CLMP: variants seen among roughly 807,000 people sequenced by gnomAD.
CLMP encodes CXADR-like membrane protein.
CLMP carries 27 observed loss-of-function variants against 45.2 expected under a neutral mutation model. The observed-to-expected ratio is 0.60, with a 90% CI of 0.44 to 0.82. The LOEUF (loss-of-function observed/expected upper bound fraction) is 0.82. CLMP is among the 40% of genes least tolerant of loss of function. The pLI, the probability that CLMP is intolerant of heterozygous loss-of-function variation, is 0.00. For missense variants in CLMP, 403 were observed against 448.4 expected, an observed-to-expected ratio of 0.90 and a Z score of 0.91; for synonymous variants, 167 against 171.4, an observed-to-expected ratio of 0.97 and a Z score of 0.20.
rs1865653531 is a variant in CLMP at position 123,069,965 on chromosome 11, AG to A, written c.*3508del. 6.6e-6 allele frequency: 1 copy of A among 152,250 alleles called. No homozygotes were observed. The highest frequency in any genetic ancestry group is 1.5e-5 in the Non-Finnish European group (1 of 68,046). 9.4% of individuals were successfully genotyped at this position (152,250 alleles called of 1,614,324 possible). A position where few individuals can be genotyped will look rare whatever the true frequency, so the allele number is the denominator to read the frequency against. On this transcript the variant is annotated 3_prime_UTR_variant, in exon 7 of 7. Transcript: ENST00000448775. ...ATGCTGAAACACAGTCCCAATTACA[AG>A]GCAACTTAGAAGTTAAAACTGAAAC... is the stretch of plus-strand genomic sequence containing the variant.
rs113284473 is a variant in CLMP at position 123,173,859 on chromosome 11, ATC to A, written c.28+21052_28+21053del. 7.9e-5 allele frequency among the ~76,000 whole-genome samples: 12 copies of A among 152,254 alleles called. 1 individual carries two copies. The highest frequency in any genetic ancestry group is 2.6e-4 in the African/African-American group (11 of 41,554). On this transcript the variant is annotated intron_variant, in intron 1 of 6. Transcript: ENST00000448775. The stretch of plus-strand genomic sequence containing the variant: ...CAGTTTGGGAGATCAAAGTGGGTGG[ATC>A]GCTTGAGCTCAGGAGTTCGAGACCA...
intron 1 of CLMP, among the ~76,000 whole-genome samples, chr11:123,145,094 T>C (rs534675169): frequency 3.3e-5 from 5 of 152,368 alleles, no homozygotes; most frequent in African/African-American, 1.2e-4. Context: ...ATTGATTATA[T>C]GTTGAAATAA....
intron 1 of CLMP, among the ~76,000 whole-genome samples, chr11:123,153,976 T>A (rs1318773340): frequency 1.3e-5 from 2 of 151,520 alleles, no homozygotes. Context: ...GTGAGCCACC[T>A]CTCCTGGCCT....
intron 1 of CLMP, among the ~76,000 whole-genome samples, chr11:123,156,219 A>G (rs142435357): frequency 2.1e-3 from 313 of 152,336 alleles, no homozygotes; most frequent in Middle Eastern, 6.8e-3. Context: ...AACCATCCAC[A>G]AGCCAGGAAG....
intron 1 of CLMP, among the ~76,000 whole-genome samples, chr11:123,123,424 A>G (rs1860846858): frequency 6.6e-6 from 1 of 151,684 alleles, no homozygotes; most frequent in African/African-American, 2.4e-5. Flanking sequence ...CACACTGGCT[A>G]ATTTTTGAAT....
chr11:123,165,517 A>G (rs1861545000), intron 1 of CLMP, among the ~76,000 whole-genome samples: 1 of 152,160 alleles, frequency 6.6e-6, no homozygotes, highest in East Asian at 1.9e-4. Flanking sequence ...TCTCATAGTT[A>G]ACAAGGACAT....
At chr11:123,142,621 CTTT>C (rs71057336) in intron 1 of CLMP, among the ~76,000 whole-genome samples, 3 of 123,246 alleles carry the variant, frequency 2.4e-5, no homozygotes, top group Non-Finnish European at 3.3e-5. Flanking sequence ...GATGAGGTTT[CTTT>C]TTTTTTTTTT....
intron 1 of CLMP, among the ~76,000 whole-genome samples, chr11:123,142,016 A>G (rs7106766): frequency 0.44 from 60,942 of 137,342 alleles, 14,232 homozygotes; most frequent in African/African-American, 0.64. Flanking sequence ...ACAGGGTCTC[A>G]CTTTGTCCCC....
chr11:123,127,939 A>G (rs569970190), intron 1 of CLMP, among the ~76,000 whole-genome samples: 1 of 150,948 alleles, frequency 6.6e-6, no homozygotes, highest in South Asian at 2.1e-4. Context: ...CAGGAGGCTG[A>G]GGCAGGAGAA....
chr11:123,070,719 C>T lies in CLMP; in HGVS notation c.*2755G>A, dbSNP rs1024758425. ...TTACATAGCAGAAGTGATATGTTGC[C>T]TGGATACCACACTACCAGAGGAATA... On this transcript the variant is annotated 3_prime_UTR_variant, in exon 7 of 7. Transcript: ENST00000448775. The T allele has an allele frequency of 6.6e-6, 1 of 152,128 alleles. No individual in the cohort carries two copies. The highest frequency in any genetic ancestry group is 2.4e-5 in the African/African-American group (1 of 41,428). The allele number at this position is 152,128 out of a possible 1,614,324, so 9.4% of individuals were successfully genotyped here. A position where few individuals can be genotyped will look rare whatever the true frequency, so the allele number is the denominator to read the frequency against.
intron 1 of CLMP, among the ~76,000 whole-genome samples, chr11:123,137,654 T>A (rs1490203693): frequency 1.3e-5 from 2 of 151,708 alleles, no homozygotes; most frequent in Non-Finnish European, 2.9e-5. Flanking sequence ...GCCCTGATAT[T>A]TCCGGAATTT....
At chr11:123,153,600 C>T (rs1861370717) in intron 1 of CLMP, among the ~76,000 whole-genome samples, 1 of 152,202 alleles carries the variant, frequency 6.6e-6, no homozygotes, top group East Asian at 1.9e-4. Flanking sequence ...GGTTTTTAAA[C>T]AACAGGCTCA....
chr11:123,096,269 G>A lies in CLMP; in HGVS notation c.186+1526C>T, dbSNP rs577511703. On this transcript the variant is annotated intron_variant, in intron 2 of 6. Coordinates refer to ENST00000448775, the MANE Select transcript of CLMP (RefSeq NM_024769.5). ...CTCAGGAGTTGGAGGCATGAGAATC[G>A]CTTGAACCCAGGAGGCGGAGGTGGC... Among the ~76,000 whole-genome samples the A allele has an allele frequency of 2.9e-4, 44 of 152,200 alleles. No homozygotes were observed. The South Asian group carries it at 8.5e-3, about 29-fold the overall frequency.
intron 2 of CLMP, among the ~76,000 whole-genome samples, chr11:123,090,059 A>G (rs1865912208): frequency 6.6e-6 from 1 of 151,872 alleles, no homozygotes; most frequent in South Asian, 2.1e-4. Flanking sequence ...ATTGCACTCC[A>G]GCCTGGGCAA....
chr11:123,135,275 A>C, intron 1 of CLMP, among the ~76,000 whole-genome samples: 1 of 139,232 alleles, frequency 7.2e-6, no homozygotes, highest in East Asian at 2.0e-4. Flanking sequence ...AAAAAAAAAA[A>C]CCTGAGAAAA....
intron 1 of CLMP, among the ~76,000 whole-genome samples, chr11:123,159,524 T>C (rs561675050): frequency 2.6e-5 from 4 of 152,308 alleles, no homozygotes; most frequent in East Asian, 3.9e-4. Context: ...CACTTACTGG[T>C]TGGAGTCAAG....
chr11:123,142,972 A>G lies in CLMP; in HGVS notation c.29-45020T>C, dbSNP rs531918366. On this transcript the variant is annotated intron_variant, in intron 1 of 6. Transcript: ENST00000448775. ...CAGTCCTACTCCTAGACATGAGCCC[A>G]TGATTTCTTCTTGCCAGGCCAAAGT... is the stretch of plus-strand genomic sequence containing the variant. Among the ~76,000 whole-genome samples, 18 of 152,266 alleles carry G rather than the reference A, an allele frequency of 1.2e-4. No individual in the cohort carries two copies. In the East Asian group the frequency reaches 2.9e-3, roughly 25 times the overall value.
intron 1 of CLMP, among the ~76,000 whole-genome samples, chr11:123,152,872 A>C (rs1861357919): frequency 2.0e-5 from 3 of 152,122 alleles, no homozygotes; most frequent in Admixed American, 1.3e-4. Flanking sequence ...TATATGTCCC[A>C]AACATACTCA....
intron 1 of CLMP, among the ~76,000 whole-genome samples, chr11:123,165,444 C>T (rs901699815): frequency 1.3e-5 from 2 of 152,092 alleles, no homozygotes; most frequent in Non-Finnish European, 2.9e-5. Flanking sequence ...TGGTACCTAC[C>T]GCATAATATT....
Sources: allele counts gnomAD v4.1 joint callset (sites outside exome capture counted in the v4.1 genomes callset), GRCh38; gene constraint gnomAD v4.1.1; transcripts MANE v1.5; gene names NCBI Gene and HGNC (gene_info 2026-07-23, HGNC 2026-07-21).